The following RADIL variants were observed in gnomAD, a reference collection of about 807,000 sequenced individuals.
RADIL encodes Rap associating with DIL domain, also known as ras-associating and dilute domain-containing protein.
A neutral mutation model predicts 97.6 loss-of-function variants in RADIL; 99 were observed. That is an observed-to-expected ratio of 1.01 (90% CI 0.86 to 1.20). RADIL has a LOEUF of 1.20. Among genes scored for constraint, RADIL ranks in the 50% most tolerant of loss-of-function variants. RADIL has a pLI of 0.00. For synonymous variants in RADIL, 803 were observed against 691.8 expected, an observed-to-expected ratio of 1.16 and a Z score of -2.52; for missense variants, 1,765 against 1,498.9, an observed-to-expected ratio of 1.18 and a Z score of -2.93.
intron 2 of RADIL, among the ~76,000 whole-genome samples, chr7:4,876,458 G>C (rs1177667732): frequency 6.6e-6 from 1 of 151,872 alleles, no homozygotes; most frequent in African/African-American, 2.4e-5. Flanking sequence ...CTGCCACCAC[G>C]CCCGGCTAAT....
chr7:4,828,218 G>A (rs565424277), intron 5 of RADIL, among the ~76,000 whole-genome samples: 64 of 152,390 alleles, frequency 4.2e-4, no homozygotes, highest in Non-Finnish European at 7.1e-4. Context: ...AACACTTTGG[G>A]AGGCTGAGGC....
In RADIL at chr7:4,799,511, G is replaced by T. The variant is rs756432418; in HGVS notation, c.3123-28C>A. ...GAAATCCATGCCAGAGGTGGGGGTG[G>T]GCAGGAGGGCACCAGGGGAGACCCA... On this transcript the variant is annotated intron_variant, in intron 14 of 14. Transcript: ENST00000399583. 40 of 1,613,484 alleles carry T rather than the reference G, an allele frequency of 2.5e-5. No individual in the cohort carries two copies. The East Asian group carries it at 8.9e-4, about 36-fold the overall frequency.
chr7:4,821,136 C>T lies in RADIL; in HGVS notation c.1615+1258G>A, dbSNP rs754736494. Among the ~76,000 whole-genome samples, 30 of 152,186 alleles carry T rather than the reference C, an allele frequency of 2.0e-4. No homozygotes were observed. Among genetic ancestry groups the T allele is most frequent in the Non-Finnish European group, 3.1e-4 (21 of 68,020 alleles). On this transcript the variant is annotated intron_variant, in intron 6 of 14. Coordinates refer to ENST00000399583, the MANE Select transcript of RADIL (RefSeq NM_018059.5). This position sits in a 1 kb window ranked among gnomAD's most constrained non-coding sequence, Gnocchi z 5.2. ...CTGCACACCGGGCCTGCGCCTCCCT[C>T]GAAGCTCAGAGACGCAGCCTGGAGC...
At chr7:4,804,379 G>A (rs182398658) in intron 10 of RADIL, among the ~76,000 whole-genome samples, 25 of 152,264 alleles carry the variant, frequency 1.6e-4, no homozygotes, top group Admixed American at 1.3e-4. Flanking sequence ...GGGGCTGCGG[G>A]GGGGCATCCA....
rs562643593 is a variant in RADIL at position 4,879,899 on chromosome 7, C to T, written c.-64-1696G>A. ...TGGGTGAGTCCTGAAATCAGACCAC[C>T]ACTCGCTTCCTCCAGAACCAGCCCA... On this transcript the variant is annotated intron_variant, in intron 1 of 14. Transcript: ENST00000399583. This position sits in a 1 kb window ranked among gnomAD's most constrained non-coding sequence, Gnocchi z 4.1. 6.6e-6 allele frequency among the ~76,000 whole-genome samples: 1 copy of T among 152,314 alleles called. No homozygotes were observed. The highest frequency in any genetic ancestry group is 6.5e-5 in the Admixed American group (1 of 15,286).
In RADIL at chr7:4,798,234, G is replaced by T. The variant is rs569156039; in HGVS notation, c.*1144C>A. The T allele has an allele frequency of 1.3e-5, 2 of 151,998 alleles. No individual in the cohort carries two copies. The highest frequency in any genetic ancestry group is 2.4e-5 in the African/African-American group (1 of 41,404). 9.4% of individuals were successfully genotyped at this position (151,998 alleles called of 1,614,324 possible). On this transcript the variant is annotated 3_prime_UTR_variant, in exon 15 of 15. Transcript: ENST00000399583. ...TGCGGAGCCGCACACAGAACTGCGGGTCGGCAGAGGGCGCGGGGCGGACGC... is the reference window on the plus strand; with the variant it reads ...TGCGGAGCCGCACACAGAACTGCGGTTCGGCAGAGGGCGCGGGGCGGACGC...
intron 5 of RADIL, among the ~76,000 whole-genome samples, chr7:4,830,436 G>A (rs1021735320): frequency 2.6e-5 from 4 of 152,306 alleles, no homozygotes; most frequent in Middle Eastern, 3.4e-3. Context: ...TGCTTTCTGC[G>A]CAAACAGCCG....
Position 4,837,085 on chromosome 7 carries a change from C to T in RADIL, c.536-480G>A, listed in dbSNP as rs1442773206. ...TCAAGGACTCTGCCCTCTAGCCACG[C>T]CCCTCGAAAAACCAGACAGTGCCTT... On this transcript the variant is annotated intron_variant, in intron 2 of 14. Coordinates refer to ENST00000399583, the MANE Select transcript of RADIL (RefSeq NM_018059.5). The surrounding 1 kb of genome is among the most constrained non-coding windows in gnomAD (Gnocchi z 5.6). Among the ~76,000 whole-genome samples, 4 of 152,196 alleles carry T rather than the reference C, an allele frequency of 2.6e-5. No homozygotes were observed. Among genetic ancestry groups the T allele is most frequent in the African/African-American group, 9.7e-5 (4 of 41,444 alleles).
rs956610085 is a variant in RADIL at position 4,822,309 on chromosome 7, A to T, written c.1615+85T>A. The stretch of plus-strand genomic sequence containing the variant: ...GAATCCACCCCTGCTATCATGGCCA[A>T]CTAGGTTCCGAGGACGGCGAGGAGA... On this transcript the variant is annotated intron_variant, in intron 6 of 14. Transcript: ENST00000399583. This position sits in a 1 kb window ranked among gnomAD's most constrained non-coding sequence, Gnocchi z 5.3. 10 of 1,437,778 alleles carry T rather than the reference A, an allele frequency of 7.0e-6. No individual in the cohort carries two copies. The African/African-American group carries it at 1.4e-4, about 20-fold the overall frequency. 89.1% of individuals were successfully genotyped at this position (1,437,778 alleles called of 1,614,324 possible). A position where few individuals can be genotyped will look rare whatever the true frequency, so the allele number is the denominator to read the frequency against.
At chr7:4,882,776 C>G (rs1037767991) in intron 1 of RADIL, among the ~76,000 whole-genome samples, 2 of 152,176 alleles carry the variant, frequency 1.3e-5, no homozygotes, top group African/African-American at 4.8e-5. Flanking sequence ...ACCGACTTGC[C>G]CCCCAGCAAA....
rs1783335007 is a variant in RADIL, at chr7:4,837,618, C to A, written c.536-1013G>T. The stretch of plus-strand genomic sequence containing the variant: ...ACAAAAATGCACACACACATGCACA[C>A]ACATGCACCCAAAAACACACATGCA... On this transcript the variant is annotated intron_variant, in intron 2 of 14. Transcript: ENST00000399583. This position sits in a 1 kb window ranked among gnomAD's most constrained non-coding sequence, Gnocchi z 5.6. Among the ~76,000 whole-genome samples, 1 of 151,914 alleles carries A rather than the reference C, an allele frequency of 6.6e-6. No homozygotes were observed. Among genetic ancestry groups the A allele is most frequent in the African/African-American group, 2.4e-5 (1 of 41,346 alleles).
rs772922502 is a variant in RADIL, at chr7:4,860,049, C to T, written c.535+17556G>A. The T allele has an allele frequency of 4.3e-6, 7 of 1,614,010 alleles. No homozygotes were observed. In the Admixed American group the frequency reaches 1.0e-4, roughly 23 times the overall value. On this transcript the variant is annotated intron_variant, in intron 2 of 14. Transcript: ENST00000399583. ...TGAGGAATACTTTCGTTTAATGCAACCCCTGAACTTTCATTGGTATTCACC... is the reference window on the plus strand; with the variant it reads ...TGAGGAATACTTTCGTTTAATGCAATCCCTGAACTTTCATTGGTATTCACC...
chr7:4,840,883 CT>C lies in RADIL; in HGVS notation c.536-4279del, dbSNP rs1258399738. On this transcript the variant is annotated intron_variant, in intron 2 of 14. Transcript: ENST00000399583. This position sits in a 1 kb window ranked among gnomAD's most constrained non-coding sequence, Gnocchi z 5.6. ...TCGAGAGGCTGAGGCAGGAGAATGG[CT>C]TGAACCCAGGAGGTGGAGGTTGCAG... Among the ~76,000 whole-genome samples the C allele has an allele frequency of 6.6e-6, 1 of 152,176 alleles. No individual in the cohort carries two copies. Among genetic ancestry groups the C allele is most frequent in the Non-Finnish European group, 1.5e-5 (1 of 68,026 alleles).
chr7:4,861,138 G>C (rs369902661), intron 2 of RADIL: 2 of 1,614,112 alleles, frequency 1.2e-6, no homozygotes, highest in African/African-American at 2.7e-5. Context: ...ATGGCTCTCA[G>C]AGTCAGCCTG....
At chr7:4,804,448 C>T (rs1295711578) in intron 10 of RADIL, among the ~76,000 whole-genome samples, 1 of 152,254 alleles carries the variant, frequency 6.6e-6, no homozygotes, top group African/African-American at 2.4e-5. Flanking sequence ...GAGGTGTTAA[C>T]ACATAATGCA....
chr7:4,816,164 G>T (rs961667033), intron 8 of RADIL, 64 bp downstream of exon 8: 11 of 1,479,966 alleles, frequency 7.4e-6, no homozygotes, highest in Non-Finnish European at 1.0e-5. Context: ...CGAGGGAGGC[G>T]CCAGCAGCCG....
In RADIL at chr7:4,883,178, C is replaced by T. The variant is rs6942421; in HGVS notation, c.-65+418G>A. On this transcript the variant is annotated intron_variant, in intron 1 of 14. Transcript: ENST00000399583. This position sits in a 1 kb window ranked among gnomAD's most constrained non-coding sequence, Gnocchi z 7.1. Reference sequence around the variant, plus strand: ...CGCGGAACCCTGCGCCCCGCTCCCCCGCTGCGCCCCGCTCCCCCGCTGCGC... The same window carrying T: ...CGCGGAACCCTGCGCCCCGCTCCCCTGCTGCGCCCCGCTCCCCCGCTGCGC... Among the ~76,000 whole-genome samples, 35,087 of 152,112 alleles carry T rather than the reference C, an allele frequency of 0.23. 4,536 individuals carry two copies. The highest frequency in any genetic ancestry group is 0.34 in the Admixed American group (5,221 of 15,290).
Position 4,835,727 on chromosome 7 carries a change from G to C in RADIL, c.784-488C>G, listed in dbSNP as rs973010756. Reference sequence around the variant, plus strand: ...AGCCCTATGGCTGTAAAGTGCTCATGGAAATGAGCAGCAAAGGAGCTGGCT... The same window carrying C: ...AGCCCTATGGCTGTAAAGTGCTCATCGAAATGAGCAGCAAAGGAGCTGGCT... On this transcript the variant is annotated intron_variant, in intron 3 of 14. Transcript: ENST00000399583. The surrounding 1 kb of genome is among the most constrained non-coding windows in gnomAD (Gnocchi z 5.8). Among the ~76,000 whole-genome samples the C allele has an allele frequency of 5.3e-5, 8 of 152,130 alleles. No individual in the cohort carries two copies. Among genetic ancestry groups the C allele is most frequent in the African/African-American group, 1.9e-4 (8 of 41,450 alleles).
rs558665520 is a variant in RADIL at position 4,808,174 on chromosome 7, G to GT, written c.2140-2459dup. Among the ~76,000 whole-genome samples the GT allele has an allele frequency of 4.8e-4, 56 of 116,428 alleles. No individual in the cohort carries two copies. In the South Asian group the frequency reaches 5.1e-3, roughly 11 times the overall value. The allele number at this position is 116,428 out of a possible 152,430, so 76.4% of individuals were successfully genotyped here. Reference sequence around the variant, plus strand: ...CCTTCTCTCTCTCCCCTCTCTCCCTGTATCTTCTTCTGCCTTCTTACTCTC... The same window carrying GT: ...CCTTCTCTCTCTCCCCTCTCTCCCTGTTATCTTCTTCTGCCTTCTTACTCTC... On this transcript the variant is annotated intron_variant, in intron 9 of 14. Coordinates refer to ENST00000399583, the MANE Select transcript of RADIL (RefSeq NM_018059.5).
Sources: gnomAD v4.1 joint callset for allele counts (sites outside exome capture counted in the v4.1 genomes callset) on GRCh38, gnomAD v4.1.1 for gene constraint, Gnocchi (gnomAD v3.1) non-coding constraint, MANE v1.5 for transcripts, NCBI Gene and HGNC (gene_info 2026-07-23, HGNC 2026-07-21) for gene names.